The following CDH13 variants were observed in gnomAD, a reference collection of about 807,000 sequenced individuals.
CDH13 encodes the protein cadherin-13.
Under a neutral mutation model 63.8 loss-of-function variants are expected in CDH13, and 24 were observed. The observed-to-expected ratio is 0.38, with a 90% CI of 0.27 to 0.53. CDH13 has a LOEUF of 0.53. Among genes scored for constraint, CDH13 ranks in the 20% least tolerant of loss-of-function variants. The probability of loss-of-function intolerance (pLI) is 0.85; values close to 1 mark genes in which losing one functional copy is unlikely to be tolerated. For missense variants in CDH13, 1,049 were observed against 903.1 expected (o/e 1.16, Z -2.07); for synonymous variants, 503 against 355.3 (o/e 1.42, Z -4.67).
chr16:83,035,422 A>T (rs932433493), intron 3 of CDH13, among the ~76,000 whole-genome samples: 1 of 152,210 alleles, frequency 6.6e-6, no homozygotes, highest in Non-Finnish European at 1.5e-5. Context: ...GTGTTGCTCC[A>T]TGGGCTACAA....
intron 4 of CDH13, among the ~76,000 whole-genome samples, chr16:83,207,423 T>G (rs867095977): frequency 6.6e-6 from 1 of 152,366 alleles, no homozygotes; most frequent in Middle Eastern, 3.4e-3. Flanking sequence ...TCCTTCCTTT[T>G]AAAGTCTAAA....
intron 6 of CDH13, among the ~76,000 whole-genome samples, chr16:83,377,801 T>A (rs574059670): frequency 6.6e-6 from 1 of 152,064 alleles, no homozygotes; most frequent in African/African-American, 2.4e-5. Context: ...AGAAGTGAGA[T>A]TGGTCTTTGT....
intron 2 of CDH13, among the ~76,000 whole-genome samples, chr16:83,027,714 CCCCA>C (rs1353449655): frequency 5.3e-5 from 8 of 152,146 alleles, no homozygotes; most frequent in African/African-American, 1.9e-4. Flanking sequence ...GCCCCCAGTA[CCCCA>C]CATTGCCTGG....
At chr16:83,652,366 A>T (rs1197850325) in intron 8 of CDH13, among the ~76,000 whole-genome samples, 1 of 152,134 alleles carries the variant, frequency 6.6e-6, no homozygotes, top group Non-Finnish European at 1.5e-5. Context: ...CAAGTGTGTC[A>T]ATCTCCCTAC....
intron 4 of CDH13, among the ~76,000 whole-genome samples, chr16:83,136,888 G>T (rs1249684054): frequency 6.6e-6 from 1 of 152,248 alleles, no homozygotes; most frequent in African/African-American, 2.4e-5. Context: ...GAGGCTGGAA[G>T]CCTTGAGTTG....
chr16:82,949,434 A>G (rs147881450), intron 2 of CDH13, among the ~76,000 whole-genome samples: 2,067 of 152,274 alleles, frequency 0.014, 37 homozygotes, highest in African/African-American at 0.038. Context: ...CACAGATTCT[A>G]TTCCCAAATA....
At chr16:83,768,159 T>C (rs1037172516) in intron 11 of CDH13, among the ~76,000 whole-genome samples, 1 of 152,212 alleles carries the variant, frequency 6.6e-6, no homozygotes, top group African/African-American at 2.4e-5. Flanking sequence ...CTAATTTTTC[T>C]CTAATCATAT....
intron 6 of CDH13, among the ~76,000 whole-genome samples, chr16:83,375,894 C>G (rs1280665013): frequency 6.6e-6 from 1 of 151,958 alleles, no homozygotes; most frequent in African/African-American, 2.4e-5. Context: ...CTGGAAAGGC[C>G]ATGATACAGG....
intron 1 of CDH13, among the ~76,000 whole-genome samples, chr16:82,658,075 A>G (rs1050125097): frequency 1.3e-5 from 2 of 152,174 alleles, no homozygotes; most frequent in African/African-American, 4.8e-5. Context: ...TATTAAGTTG[A>G]AGAAGTTTCT....
At chr16:83,281,184 C>A (rs970158131) in intron 5 of CDH13, among the ~76,000 whole-genome samples, 1 of 152,238 alleles carries the variant, frequency 6.6e-6, no homozygotes, top group Non-Finnish European at 1.5e-5. Context: ...CTTTCATCAA[C>A]GATCTTAGCT....
chr16:83,102,528 C>T (rs1026109479), intron 3 of CDH13, among the ~76,000 whole-genome samples: 1 of 152,112 alleles, frequency 6.6e-6, no homozygotes, highest in African/African-American at 2.4e-5. Context: ...ACATGACACA[C>T]TGTAACCCGG....
At chr16:82,899,117 A>G (rs1386436792) in intron 2 of CDH13, among the ~76,000 whole-genome samples, 1 of 152,238 alleles carries the variant, frequency 6.6e-6, no homozygotes, top group Non-Finnish European at 1.5e-5. Context: ...AGAGAAATAG[A>G]GGGCACAGTG....
intron 8 of CDH13, among the ~76,000 whole-genome samples, chr16:83,630,879 T>A (rs1910719234): frequency 6.6e-6 from 1 of 152,222 alleles, no homozygotes; most frequent in African/African-American, 2.4e-5. Flanking sequence ...TTGCCTCCCA[T>A]AGGTCCCAGC....
chr16:83,422,456 A>G (rs192579488), intron 6 of CDH13, among the ~76,000 whole-genome samples: 1 of 152,328 alleles, frequency 6.6e-6, no homozygotes, highest in African/African-American at 2.4e-5. Flanking sequence ...CTTTGAGATA[A>G]TGAATCATCT....
rs1487917869 is a variant in CDH13, at chr16:83,779,339, G to A, written c.1682-629G>A. 5.6e-5 allele frequency among the ~76,000 whole-genome samples: 8 copies of A among 143,942 alleles called. No homozygotes were observed. The South Asian group carries it at 6.7e-4, about 12-fold the overall frequency. 94.4% of individuals were successfully genotyped at this position (143,942 alleles called of 152,430 possible). ...GGGGAATCGCTTGAACCCGGGAGGC[G>A]GAGGTTGCAGTGAGTCGAGATTGCG... On this transcript the variant is annotated intron_variant, in intron 11 of 13. Transcript: ENST00000567109.
intron 2 of CDH13, among the ~76,000 whole-genome samples, chr16:82,952,578 T>C (rs1432387329): frequency 1.3e-5 from 2 of 152,234 alleles, no homozygotes; most frequent in Admixed American, 6.5e-5. Flanking sequence ...TTGAATATAA[T>C]AACAGTAGCT....
intron 10 of CDH13, among the ~76,000 whole-genome samples, chr16:83,714,312 G>A (rs1280814260): frequency 1.3e-5 from 2 of 151,990 alleles, no homozygotes; most frequent in Non-Finnish European, 2.9e-5. Context: ...TTTTATTATC[G>A]GTAGAAATAC....
At chr16:83,044,456 C>T (rs1374245503) in intron 3 of CDH13, among the ~76,000 whole-genome samples, 1 of 152,166 alleles carries the variant, frequency 6.6e-6, no homozygotes, top group Admixed American at 6.5e-5. Context: ...ATTGTCATGA[C>T]ACATTTTAAA....
Position 82,962,964 on chromosome 16 carries a change from T to G in CDH13, c.158-69046T>G, listed in dbSNP as rs148429434. On this transcript the variant is annotated intron_variant, in intron 2 of 13. Transcript: ENST00000567109. ...ATAATAATTTAGTAAAAGGTGTAAT[T>G]ATTTTTCTTCCTTTTGTAAAAGTTA... is the stretch of plus-strand genomic sequence containing the variant. Among the ~76,000 whole-genome samples, 1,234 of 152,316 alleles carry G rather than the reference T, an allele frequency of 8.1e-3. 28 individuals carry two copies. Among genetic ancestry groups the G allele is most frequent in the African/African-American group, 0.029 (1,187 of 41,568 alleles).
Sources: allele counts gnomAD v4.1 joint callset (sites outside exome capture counted in the v4.1 genomes callset), GRCh38; gene constraint gnomAD v4.1.1; transcripts MANE v1.5; gene names NCBI Gene and HGNC (gene_info 2026-07-23, HGNC 2026-07-21).